The following LRP5 variants were observed in gnomAD, a reference collection of about 807,000 sequenced individuals.
LRP5 encodes LDL receptor related protein 5, also known as low-density lipoprotein receptor-related protein 5.
In LRP5, 62 loss-of-function variants were observed where a neutral mutation model predicts 154.1. That is an observed-to-expected ratio of 0.40 (90% CI 0.33 to 0.50). The LOEUF (loss-of-function observed/expected upper bound fraction) is 0.50, where lower values mean the gene tolerates loss of function less well. Ranked by LOEUF, LRP5 falls within the 20% of genes least tolerant of loss-of-function variation. LRP5 has a pLI of 0.55. For synonymous variants in LRP5, 966 were observed against 1,011.5 expected (o/e 0.96, Z 0.85); for missense variants, 1,915 against 2,336.7 (o/e 0.82, Z 3.72).
chr11:68,402,548 G>T (rs1270934535), intron 7 of LRP5, among the ~76,000 whole-genome samples: 1 of 152,026 alleles, frequency 6.6e-6, no homozygotes, highest in African/African-American at 2.4e-5. Flanking sequence ...TTTGCCCCAG[G>T]CCCTGCCGTT....
At chr11:68,402,506 C>T (rs776467227) in intron 7 of LRP5, among the ~76,000 whole-genome samples, 1 of 152,168 alleles carries the variant, frequency 6.6e-6, no homozygotes, top group Non-Finnish European at 1.5e-5. Context: ...CCTGACCCAG[C>T]GGGAAATGAG....
chr11:68,411,683 C>G (rs1467456260), intron 11 of LRP5, 63 bp downstream of exon 11: 4 of 1,522,418 alleles, frequency 2.6e-6, no homozygotes, highest in Non-Finnish European at 3.5e-6. Context: ...TGGCCACCTC[C>G]CAGCCTCGCC....
intron 5 of LRP5, among the ~76,000 whole-genome samples, chr11:68,378,321 A>G (rs946820822): frequency 6.6e-6 from 1 of 152,118 alleles, no homozygotes; most frequent in African/African-American, 2.4e-5. Context: ...TGTGCTGGCC[A>G]GATAGTTCCT....
chr11:68,315,846 A>C (rs925616018), intron 1 of LRP5, among the ~76,000 whole-genome samples: 5 of 152,240 alleles, frequency 3.3e-5, no homozygotes, highest in Non-Finnish European at 7.3e-5. Flanking sequence ...TCCACAAGGC[A>C]GCGGAAGCTT....
At chr11:68,326,581 C>T (rs772654844) in intron 1 of LRP5, among the ~76,000 whole-genome samples, 9 of 152,240 alleles carry the variant, frequency 5.9e-5, no homozygotes, top group Non-Finnish European at 7.3e-5. Flanking sequence ...GTTGGCGCTC[C>T]GTGGTTGCTG....
chr11:68,338,377 GA>G (rs2098606876), intron 1 of LRP5, among the ~76,000 whole-genome samples: 1 of 152,206 alleles, frequency 6.6e-6, no homozygotes, highest in East Asian at 1.9e-4. Context: ...CATCTGTTAT[GA>G]ATTCTATATA....
At chr11:68,367,980 G>T (rs1383076937) in intron 5 of LRP5, among the ~76,000 whole-genome samples, 3 of 151,272 alleles carry the variant, frequency 2.0e-5, no homozygotes, top group Non-Finnish European at 4.4e-5. Context: ...CAGGAGAATT[G>T]CTTGAGCCTA....
intron 5 of LRP5, among the ~76,000 whole-genome samples, chr11:68,367,961 A>T (rs751303982): frequency 6.6e-6 from 1 of 151,762 alleles, no homozygotes; most frequent in Non-Finnish European, 1.5e-5. Flanking sequence ...GCTACTTGGG[A>T]GACTGAGGCA....
intron 13 of LRP5, among the ~76,000 whole-genome samples, chr11:68,422,512 A>G (rs2098666365): frequency 6.6e-6 from 1 of 152,084 alleles, no homozygotes; most frequent in Non-Finnish European, 1.5e-5. Flanking sequence ...CTCTCCTCCT[A>G]CGTCAGCTCA....
intron 5 of LRP5, among the ~76,000 whole-genome samples, chr11:68,368,350 GAGGTCTCTCTC>G (rs1465217963): frequency 1.3e-5 from 2 of 152,232 alleles, no homozygotes; most frequent in Non-Finnish European, 2.9e-5. Context: ...CGGCAGGTCA[GAGGTCTCTCTC>G]AGGAGGCCTG....
chr11:68,409,901 C>T lies in LRP5; in HGVS notation c.2092-13C>T. The T allele has an allele frequency of 6.2e-7, 1 of 1,603,722 alleles. No individual in the cohort carries two copies. The highest frequency in any genetic ancestry group is 1.1e-5 in the South Asian group (1 of 90,876). On this transcript the variant is annotated splice_polypyrimidine_tract_variant and intron_variant, in intron 9 of 22. Coordinates refer to ENST00000294304, the MANE Select transcript of LRP5 (RefSeq NM_002335.4). ...CCTAAAATGTGGCCCTTTTCCTCCT[C>T]ACCTGCTGCCAGACCATCAGCCGCG... is the stretch of plus-strand genomic sequence containing the variant.
At chr11:68,389,785 G>A (rs1461992332) in intron 6 of LRP5, 96 bp from the exon 7 acceptor site, 5 of 1,252,410 alleles carry the variant, frequency 4.0e-6, no homozygotes, top group South Asian at 1.2e-5. Flanking sequence ...GCCATGTGAT[G>A]GGGGCCGGCT....
At chr11:68,352,346 T>C (rs1353051046) in intron 2 of LRP5, among the ~76,000 whole-genome samples, 1 of 152,218 alleles carries the variant, frequency 6.6e-6, no homozygotes, top group East Asian at 1.9e-4. Flanking sequence ...TACAGAGGCG[T>C]GACCATGCTG....
chr11:68,369,345 C>T (rs1359382039), intron 5 of LRP5, among the ~76,000 whole-genome samples: 1 of 152,104 alleles, frequency 6.6e-6, no homozygotes, highest in Non-Finnish European at 1.5e-5. Flanking sequence ...TGATGTCTGC[C>T]TAAACACTGT....
chr11:68,387,095 A>C (rs1275665280), intron 6 of LRP5, among the ~76,000 whole-genome samples: 1 of 151,136 alleles, frequency 6.6e-6, no homozygotes, highest in Non-Finnish European at 1.5e-5. Flanking sequence ...CACTGACCAC[A>C]GTACAGGCCA....
In LRP5 at chr11:68,436,905, C is replaced by T; in HGVS notation, c.4017C>T (p.Asn1339=). The T allele has an allele frequency of 6.2e-7, 1 of 1,613,798 alleles. No individual in the cohort carries two copies. The highest frequency in any genetic ancestry group is 8.5e-7 in the Non-Finnish European group (1 of 1,179,916). The change falls in exon 19 of 23, where the codon AAC becomes AAT. Residue 1339 remains asparagine (N), a synonymous_variant. Coordinates refer to ENST00000294304, the MANE Select transcript of LRP5 (RefSeq NM_002335.4). ...EADCDAICLP[N]QFRCASGQCV... ...TCCTTGCAGCCATCTGCCTGCCCAA[C>T]CAGTTCCGGTGTGCGAGCGGCCAGT...
intron 5 of LRP5, among the ~76,000 whole-genome samples, chr11:68,369,981 C>A (rs1334640229): frequency 1.3e-5 from 2 of 152,190 alleles, no homozygotes; most frequent in African/African-American, 4.8e-5. Context: ...GTCACCATGA[C>A]CGGCGCCTTA....
In LRP5 at chr11:68,413,637, C is replaced by A; in HGVS notation, c.2504-52C>A. The A allele has an allele frequency of 6.4e-7, 1 of 1,550,978 alleles. No homozygotes were observed. Among genetic ancestry groups the A allele is most frequent in the South Asian group, 1.1e-5 (1 of 89,786 alleles). ...CTCACCCCGCAGGGCGCCGTGTGCT[C>A]TGTGGCCTGGCTGTGCCTTTGCTGA... On this transcript the variant is annotated intron_variant, in intron 11 of 22. Transcript: ENST00000294304. The surrounding 1 kb of genome is among the most constrained non-coding windows in gnomAD (Gnocchi z 5.1).
chr11:68,401,227 C>T (rs762371481), intron 7 of LRP5, among the ~76,000 whole-genome samples: 9 of 152,080 alleles, frequency 5.9e-5, no homozygotes, highest in Non-Finnish European at 1.2e-4. Context: ...CATTCATGGC[C>T]TTTGCGTGTC....
Sources: allele counts gnomAD v4.1 joint callset (sites outside exome capture counted in the v4.1 genomes callset), GRCh38; gene constraint gnomAD v4.1.1; non-coding constraint Gnocchi (gnomAD v3.1); transcripts MANE v1.5; gene names NCBI Gene and HGNC (gene_info 2026-07-23, HGNC 2026-07-21).